The following PLAUR variants were observed in gnomAD, a reference collection of about 807,000 sequenced individuals.
The protein encoded by PLAUR is plasminogen activator, urokinase receptor, also known as urokinase plasminogen activator surface receptor.
PLAUR carries 22 observed loss-of-function variants against 33.4 expected under a neutral mutation model. That is an observed-to-expected ratio of 0.66 (90% CI 0.47 to 0.94). The LOEUF (loss-of-function observed/expected upper bound fraction) is 0.94. PLAUR is among the 40% of genes least tolerant of loss of function. The pLI is 0.00. For synonymous variants in PLAUR, 148 were observed against 167.3 expected, an observed-to-expected ratio of 0.88 and a Z score of 0.89; for missense variants, 408 against 434.7, an observed-to-expected ratio of 0.94 and a Z score of 0.55.
At position 43,652,399 on chromosome 19, in the gene PLAUR, C is replaced by T. The variant is rs755655618; in HGVS notation, c.608-28G>A. The T allele has an allele frequency of 1.9e-6, 3 of 1,607,450 alleles. No individual in the cohort carries two copies. The South Asian group carries it at 3.3e-5, about 18-fold the overall frequency. On this transcript the variant is annotated intron_variant, in intron 5 of 6. Transcript: ENST00000340093. ...TAGGAGAAGACCAGAGACACAGAGA[C>T]CAAGAAAATTAGTGCTTGGATCTCC...
intron 1 of PLAUR, 51 bp downstream of exon 1, chr19:43,670,015 C>T: frequency 6.4e-7 from 1 of 1,569,824 alleles, no homozygotes. Context: ...ACCCCCAACC[C>T]CCTCAATTAG....
chr19:43,649,667 G>T (rs1394904790), intron 6 of PLAUR, among the ~76,000 whole-genome samples: 2 of 139,768 alleles, frequency 1.4e-5, no homozygotes, highest in Non-Finnish European at 3.1e-5. Flanking sequence ...GGAAGGAGAA[G>T]GGAAAGAAGG....
intron 3 of PLAUR, among the ~76,000 whole-genome samples, chr19:43,664,012 C>A (rs981697753): frequency 6.6e-6 from 1 of 152,034 alleles, no homozygotes; most frequent in South Asian, 2.1e-4. Context: ...GGCCCAGCAG[C>A]GGACTCCAGG....
rs752926721 is a variant in PLAUR, at chr19:43,652,267, G to A, written c.712C>T (p.Arg238Ter). The change falls in exon 6 of 7, where the codon CGA (arginine) becomes TGA (stop). Residue 238 changes from arginine to a stop codon, truncating the protein, a stop_gained. Transcript: ENST00000340093. LOFTEE classifies it low-confidence loss of function (END_TRUNC). ...SSEETFLIDCRGPMNQCLVAT... is the reference protein window; with the variant it reads ...SSEETFLIDC ...ACCAGACATTGATTCATGGGGCCTC[G>A]GCAGTCAATGAGGAAAGTCTCTTCA... is the stretch of plus-strand genomic sequence containing the variant. 19 of 1,614,048 alleles carry A rather than the reference G, an allele frequency of 1.2e-5. No homozygotes were observed. The highest frequency in any genetic ancestry group is 1.4e-5 in the Non-Finnish European group (16 of 1,179,976).
At chr19:43,653,837 TG>T (rs1974093653) in intron 5 of PLAUR, among the ~76,000 whole-genome samples, 1 of 150,960 alleles carries the variant, frequency 6.6e-6, no homozygotes, top group Admixed American at 6.6e-5. Flanking sequence ...AAAATTTAGC[TG>T]GGTGCGGCCG....
intron 1 of PLAUR, among the ~76,000 whole-genome samples, chr19:43,669,214 A>AGGTCCTGAGGGAC (rs1385409174): frequency 2.6e-5 from 4 of 152,180 alleles, no homozygotes; most frequent in Admixed American, 2.6e-4. Flanking sequence ...TGAGAGGGAA[A>AGGTCCTGAGGGAC]GGTCCTGAGG....
downstream of PLAUR, among the ~76,000 whole-genome samples, chr19:43,647,829 A>G (rs945000978): frequency 4.0e-5 from 6 of 151,814 alleles, no homozygotes; most frequent in African/African-American, 9.7e-5. Flanking sequence ...AAAAGAAAAG[A>G]AAAAGGAAAA....
chr19:43,646,244 T>A (rs142258023), downstream of PLAUR: 669 of 505,054 alleles, frequency 1.3e-3, 6 homozygotes, highest in African/African-American at 0.01. Flanking sequence ...TGTCCTTCCA[T>A]GATGTTTTGA....
intron 3 of PLAUR, among the ~76,000 whole-genome samples, chr19:43,658,125 G>A (rs1202504073): frequency 6.6e-6 from 1 of 152,174 alleles, no homozygotes; most frequent in African/African-American, 2.4e-5. Flanking sequence ...TATGCCTTCT[G>A]TGGCTAGATC....
chr19:43,646,955 A>G (rs1009556431), downstream of PLAUR, among the ~76,000 whole-genome samples: 3 of 151,860 alleles, frequency 2.0e-5, no homozygotes, highest in Non-Finnish European at 4.4e-5. Context: ...TAATTTTTGT[A>G]ATTTTAGTAG....
intron 3 of PLAUR, chr19:43,661,442 G>C (rs1382997254): frequency 1.3e-5 from 2 of 151,852 alleles, no homozygotes; most frequent in African/African-American, 4.8e-5. Context: ...TGTCGCCCAG[G>C]CTGGAGTGCA....
chr19:43,667,473 GT>G, intron 2 of PLAUR, 107 bp downstream of exon 2: 1 of 754,256 alleles, frequency 1.3e-6, no homozygotes, highest in Non-Finnish European at 2.3e-6. Flanking sequence ...GGCTCTCCTT[GT>G]TTGTTTGTTT....
rs1974229860 is a variant in PLAUR, at chr19:43,656,706, G to A, written c.311-66C>T. 4 of 1,357,082 alleles carry A rather than the reference G, an allele frequency of 2.9e-6. No homozygotes were observed. The Admixed American group carries it at 9.4e-5, about 32-fold the overall frequency. The allele number at this position is 1,357,082 out of a possible 1,614,324, so 84.1% of individuals were successfully genotyped here. The stretch of plus-strand genomic sequence containing the variant: ...CAGTCCTGGAGCCCCAGCTCTGCAA[G>A]GACTCACTCAAAATCAATTCCTCCT... On this transcript the variant is annotated intron_variant, in intron 3 of 6. Coordinates refer to ENST00000340093, the MANE Select transcript of PLAUR (RefSeq NM_002659.4).
At chr19:43,669,916 T>C in intron 1 of PLAUR, 150 bp downstream of exon 1, 1 of 700,840 alleles carries the variant, frequency 1.4e-6, no homozygotes, top group African/African-American at 1.8e-5. Flanking sequence ...CTGCGCCGCG[T>C]GGCGTTGCAC....
chr19:43,653,182 A>G (rs1025400212), intron 5 of PLAUR, among the ~76,000 whole-genome samples: 2 of 152,176 alleles, frequency 1.3e-5, no homozygotes, highest in African/African-American at 4.8e-5. Flanking sequence ...TTTACATTTA[A>G]ATAAATTAAT....
At chr19:43,652,528 C>T (rs1185469072) in intron 5 of PLAUR, among the ~76,000 whole-genome samples, 157 bp from the exon 6 acceptor site, 2 of 152,128 alleles carry the variant, frequency 1.3e-5, no homozygotes, top group South Asian at 2.1e-4. Flanking sequence ...GGATGGTTTT[C>T]GAGGGCTTGA....
At chr19:43,650,315 T>C (rs2146197082) in intron 6 of PLAUR, among the ~76,000 whole-genome samples, 1 of 149,178 alleles carries the variant, frequency 6.7e-6, no homozygotes, top group African/African-American at 2.5e-5. Context: ...GGCTGGTTTT[T>C]TTTTTGTTGT....
chr19:43,659,010 C>T (rs947477281), intron 3 of PLAUR, among the ~76,000 whole-genome samples: 1 of 152,030 alleles, frequency 6.6e-6, no homozygotes, highest in Non-Finnish European at 1.5e-5. Flanking sequence ...CTCCCTGACC[C>T]ATCAGCCTGG....
chr19:43,659,447 T>C (rs1439234840), intron 3 of PLAUR, among the ~76,000 whole-genome samples: 1 of 152,262 alleles, frequency 6.6e-6, no homozygotes, highest in South Asian at 2.1e-4. Context: ...GTACCGCACC[T>C]GGCCAGGGCT....
Sources: gnomAD v4.1 joint callset for allele counts (sites outside exome capture counted in the v4.1 genomes callset) on GRCh38, gnomAD v4.1.1 for gene constraint, MANE v1.5 for transcripts, NCBI Gene and HGNC (gene_info 2026-07-23, HGNC 2026-07-21) for gene names.